The following CACNA2D3 variants were observed in gnomAD, a reference collection of about 807,000 sequenced individuals.
CACNA2D3 encodes the protein calcium voltage-gated channel auxiliary subunit alpha2delta 3.
A neutral mutation model predicts 160.6 loss-of-function variants in CACNA2D3; 60 were observed. The observed-to-expected ratio is 0.37, with a 90% CI of 0.30 to 0.46. The LOEUF is 0.46. CACNA2D3 is among the 20% of genes least tolerant of loss of function. The pLI, the probability that CACNA2D3 is intolerant of heterozygous loss-of-function variation, is 1.00. For synonymous variants in CACNA2D3, 558 were observed against 492.9 expected, an observed-to-expected ratio of 1.13 and a Z score of -1.75; for missense variants, 1,205 against 1,365.0, an observed-to-expected ratio of 0.88 and a Z score of 1.85.
intron 2 of CACNA2D3, among the ~76,000 whole-genome samples, chr3:54,142,079 G>A (rs1699948833): frequency 6.6e-6 from 1 of 152,198 alleles, no homozygotes; most frequent in African/African-American, 2.4e-5. Flanking sequence ...GGCTTGCCAA[G>A]GCATGATTCT....
chr3:54,486,507 C>A (rs1396366806), intron 4 of CACNA2D3, among the ~76,000 whole-genome samples: 2 of 152,182 alleles, frequency 1.3e-5, no homozygotes, highest in South Asian at 2.1e-4. Context: ...CTAATCTAGG[C>A]GTTCCAAGAT....
At chr3:54,717,707 G>A (rs968499964) in intron 11 of CACNA2D3, among the ~76,000 whole-genome samples, 31 of 146,894 alleles carry the variant, frequency 2.1e-4, no homozygotes, top group African/African-American at 7.6e-4. Flanking sequence ...TGTGTGGTGT[G>A]TGCATGTGTG....
At chr3:54,570,873 A>G (rs1232897356) in intron 8 of CACNA2D3, among the ~76,000 whole-genome samples, 1 of 152,116 alleles carries the variant, frequency 6.6e-6, no homozygotes, top group Non-Finnish European at 1.5e-5. Context: ...CAAACTCTGC[A>G]AAATATTTGA....
At chr3:54,212,319 G>A (rs1233847315) in intron 2 of CACNA2D3, among the ~76,000 whole-genome samples, 1 of 152,134 alleles carries the variant, frequency 6.6e-6, no homozygotes, top group African/African-American at 2.4e-5. Context: ...AAGACAACTC[G>A]AAGTGGTGGG....
intron 14 of CACNA2D3, among the ~76,000 whole-genome samples, chr3:54,821,710 T>TC (rs1429187162): frequency 4.2e-5 from 6 of 141,416 alleles, no homozygotes; most frequent in Admixed American, 2.9e-4. Flanking sequence ...CCTTCCTTCC[T>TC]TCTTTCCTCT....
intron 2 of CACNA2D3, among the ~76,000 whole-genome samples, chr3:54,186,101 G>C (rs1039764878): frequency 5.3e-5 from 8 of 152,188 alleles, no homozygotes; most frequent in Non-Finnish European, 7.3e-5. Flanking sequence ...GGAGGGCAGA[G>C]ACCTTATTAC....
chr3:54,772,976 A>G (rs891301397), intron 13 of CACNA2D3, among the ~76,000 whole-genome samples: 29 of 152,240 alleles, frequency 1.9e-4, no homozygotes, highest in African/African-American at 7.0e-4. Flanking sequence ...GAAGCAAAGA[A>G]ATGTTTTAGA....
chr3:54,447,998 A>G (rs1048937936), intron 4 of CACNA2D3, among the ~76,000 whole-genome samples: 1 of 152,156 alleles, frequency 6.6e-6, no homozygotes, highest in Admixed American at 6.5e-5. Flanking sequence ...TAGCACAACC[A>G]CGAGGGAATT....
At chr3:55,014,504 C>T (rs1054584425) in intron 34 of CACNA2D3, among the ~76,000 whole-genome samples, 11 of 152,080 alleles carry the variant, frequency 7.2e-5, no homozygotes, top group Admixed American at 3.9e-4. Context: ...CCAAGGTGGG[C>T]GGATCACTGA....
chr3:54,763,747 GCA>G (rs1702140596), intron 12 of CACNA2D3, among the ~76,000 whole-genome samples: 1 of 31,726 alleles, frequency 3.2e-5, no homozygotes, highest in South Asian at 1.0e-3. Context: ...GTATATATGT[GCA>G]TATATATACA....
intron 2 of CACNA2D3, among the ~76,000 whole-genome samples, chr3:54,134,162 A>T (rs1402323037): frequency 6.6e-6 from 1 of 152,062 alleles, no homozygotes; most frequent in Non-Finnish European, 1.5e-5. Flanking sequence ...CCCTGGACTC[A>T]CTAGGATCGA....
intron 11 of CACNA2D3, among the ~76,000 whole-genome samples, chr3:54,672,085 T>A (rs1700173343): frequency 6.6e-6 from 1 of 152,186 alleles, no homozygotes; most frequent in South Asian, 2.1e-4. Context: ...CTGCTTGAGA[T>A]TTTTGCTCTG....
At chr3:54,505,685 C>T (rs1416810689) in intron 5 of CACNA2D3, among the ~76,000 whole-genome samples, 1 of 152,170 alleles carries the variant, frequency 6.6e-6, no homozygotes, top group Admixed American at 6.5e-5. Context: ...CATGATTTTA[C>T]AGAGCAATTT....
chr3:54,489,344 C>T (rs1298330221), intron 4 of CACNA2D3, among the ~76,000 whole-genome samples: 1 of 152,182 alleles, frequency 6.6e-6, no homozygotes, highest in East Asian at 1.9e-4. Context: ...TGGCTTTCAG[C>T]GTTTCCCTCT....
At chr3:54,622,332 G>A (rs1265214428) in intron 9 of CACNA2D3, among the ~76,000 whole-genome samples, 2 of 152,206 alleles carry the variant, frequency 1.3e-5, no homozygotes, top group African/African-American at 4.8e-5. Flanking sequence ...CTGGAGTGCA[G>A]TGGTGCAATC....
intron 5 of CACNA2D3, among the ~76,000 whole-genome samples, chr3:54,536,279 G>C (rs750283883): frequency 2.6e-5 from 4 of 152,190 alleles, no homozygotes; most frequent in Admixed American, 1.3e-4. Context: ...AGAGGTGGTC[G>C]TCCTGGGTCA....
intron 2 of CACNA2D3, among the ~76,000 whole-genome samples, chr3:54,134,582 G>A (rs191558206): frequency 6.8e-4 from 103 of 152,300 alleles, no homozygotes; most frequent in Admixed American, 4.0e-3. Flanking sequence ...CAACGCCAGG[G>A]TTTTATGAAT....
intron 11 of CACNA2D3, among the ~76,000 whole-genome samples, chr3:54,750,578 T>A (rs1282211711): frequency 6.6e-6 from 1 of 151,990 alleles, no homozygotes; most frequent in Admixed American, 6.6e-5. Context: ...TATCCTGAGG[T>A]CTTAGAAGTC....
chr3:54,877,767 G>A (rs1295840546), intron 18 of CACNA2D3, among the ~76,000 whole-genome samples: 2 of 152,072 alleles, frequency 1.3e-5, no homozygotes, highest in African/African-American at 4.8e-5. Context: ...GAGACACAGC[G>A]AGGCTTACCT....
Sources: gnomAD v4.1 joint callset for allele counts (sites outside exome capture counted in the v4.1 genomes callset) on GRCh38, gnomAD v4.1.1 for gene constraint, MANE v1.5 for transcripts, NCBI Gene and HGNC (gene_info 2026-07-23, HGNC 2026-07-21) for gene names.